The following SNX25 variants were observed in gnomAD, a reference collection of about 807,000 sequenced individuals.
SNX25 encodes the protein sorting nexin-25.
In SNX25, 62 loss-of-function variants were observed where a neutral mutation model predicts 113.7. The ratio of observed to expected loss-of-function variants is 0.55; its 90% CI spans 0.44 to 0.67. The LOEUF is 0.67. SNX25 is among the 30% of genes least tolerant of loss of function. The pLI, the probability that SNX25 is intolerant of heterozygous loss-of-function variation, is 0.00. For synonymous variants in SNX25, 421 were observed against 436.2 expected, an observed-to-expected ratio of 0.97 and a Z score of 0.43; for missense variants, 1,014 against 1,161.0, an observed-to-expected ratio of 0.87 and a Z score of 1.84.
At position 185,351,629 on chromosome 4, in the gene SNX25, A is replaced by T; in HGVS notation, c.2466+20A>T. On this transcript the variant is annotated intron_variant, in intron 14 of 18. Coordinates refer to ENST00000652585, the MANE Select transcript of SNX25 (RefSeq NM_001378034.2). ...CAGGAGGTGAGCCGTTGAAAGAGTG[A>T]ACCACTTTTGTAGTGTATTTCAGCA... 1 of 1,610,916 alleles carries T rather than the reference A, an allele frequency of 6.2e-7. No individual in the cohort carries two copies. The highest frequency in any genetic ancestry group is 8.5e-7 in the Non-Finnish European group (1 of 1,178,628).
At chr4:185,341,671 A>G (rs1269477114) in intron 11 of SNX25, among the ~76,000 whole-genome samples, 2 of 152,140 alleles carry the variant, frequency 1.3e-5, no homozygotes, top group Non-Finnish European at 2.9e-5. Flanking sequence ...TAGAACTGAG[A>G]TATCTGTTTT....
chr4:185,217,103 C>T (rs1022194424), intron 1 of SNX25, among the ~76,000 whole-genome samples: 5 of 152,016 alleles, frequency 3.3e-5, no homozygotes, highest in Non-Finnish European at 2.9e-5. Context: ...GGCTTTGAAA[C>T]GTTGAATGGA....
intron 1 of SNX25, among the ~76,000 whole-genome samples, chr4:185,222,907 A>C (rs1022355575): frequency 1.3e-5 from 2 of 152,236 alleles, no homozygotes; most frequent in African/African-American, 4.8e-5. Context: ...AAATACTTTC[A>C]AAGGTTCTTT....
At chr4:185,250,829 T>A (rs1173025003) in intron 2 of SNX25, among the ~76,000 whole-genome samples, 1 of 152,032 alleles carries the variant, frequency 6.6e-6, no homozygotes, top group African/African-American at 2.4e-5. Flanking sequence ...TTTCCAGATT[T>A]CCAAATTATT....
chr4:185,354,041 CAAAAA>C (rs138207766), intron 15 of SNX25, among the ~76,000 whole-genome samples: 2 of 84,532 alleles, frequency 2.4e-5, no homozygotes, highest in Non-Finnish European at 2.6e-5. Flanking sequence ...GACTCCGTCT[CAAAAA>C]AAAAAAAAAA....
intron 1 of SNX25, among the ~76,000 whole-genome samples, chr4:185,216,466 A>G (rs1738837329): frequency 1.3e-5 from 2 of 152,244 alleles, no homozygotes; most frequent in African/African-American, 4.8e-5. Context: ...GGGACAAAAA[A>G]CAATGCTAAT....
In SNX25 at chr4:185,277,801, C is replaced by T. The variant is rs1240509185; in HGVS notation, c.1092-10211C>T. ...AGGCTGGAGTGCAGTGGCGGGATCT[C>T]GGCTCACTGCAAGCTCCGCCTCCCG... On this transcript the variant is annotated intron_variant, in intron 5 of 18. Transcript: ENST00000652585. Among the ~76,000 whole-genome samples, 5 of 35,118 alleles carry T rather than the reference C, an allele frequency of 1.4e-4. 1 individual carries two copies. In the Admixed American group the frequency reaches 2.0e-3, roughly 14 times the overall value. 23.0% of individuals were successfully genotyped at this position (35,118 alleles called of 152,430 possible).
At chr4:185,361,899 C>T in intron 16 of SNX25, 25 bp from the exon 17 acceptor site, 1 of 1,609,782 alleles carries the variant, frequency 6.2e-7, no homozygotes, top group Middle Eastern at 1.7e-4. Context: ...AAAACCTCAT[C>T]CAAGAAATCT....
chr4:185,227,779 G>A (rs569401778), intron 1 of SNX25, among the ~76,000 whole-genome samples: 27 of 152,288 alleles, frequency 1.8e-4, no homozygotes, highest in Non-Finnish European at 2.6e-4. Context: ...GTCTGCAGGC[G>A]TGCAGTTTGC....
intron 6 of SNX25, among the ~76,000 whole-genome samples, chr4:185,302,058 T>C (rs1321088550): frequency 6.7e-6 from 1 of 150,312 alleles, no homozygotes; most frequent in African/African-American, 2.4e-5. Flanking sequence ...CGTCACCACA[T>C]GCAGCTAATT....
chr4:185,241,328 A>C (rs1743943484), intron 1 of SNX25, among the ~76,000 whole-genome samples: 1 of 151,702 alleles, frequency 6.6e-6, no homozygotes. Flanking sequence ...AAATATGAAA[A>C]CCAGTCAGGC....
chr4:185,214,574 T>TA (rs1738469314), intron 1 of SNX25, among the ~76,000 whole-genome samples: 1 of 151,760 alleles, frequency 6.6e-6, no homozygotes, highest in South Asian at 2.1e-4. Flanking sequence ...CCCTGTACCT[T>TA]AAAAAAATAA....
At chr4:185,375,851 T>G in the SNX25 span, 1 of 508,658 alleles carries the variant, frequency 2.0e-6, no homozygotes. Context: ...CAGCCATATC[T>G]GAACCCATGC....
chr4:185,357,082 G>A (rs1453582840), intron 15 of SNX25, among the ~76,000 whole-genome samples: 2 of 152,118 alleles, frequency 1.3e-5, no homozygotes, highest in Non-Finnish European at 2.9e-5. Flanking sequence ...AAGGTGACTT[G>A]TGCCCTCCTG....
Position 185,346,519 on chromosome 4 carries a change from C to T in SNX25, c.2188-18C>T, listed in dbSNP as rs1047110785. The T allele has an allele frequency of 6.8e-7, 1 of 1,465,950 alleles. No homozygotes were observed. 90.8% of individuals were successfully genotyped at this position (1,465,950 alleles called of 1,614,324 possible). A position where few individuals can be genotyped will look rare whatever the true frequency, so the allele number is the denominator to read the frequency against. On this transcript the variant is annotated intron_variant, in intron 12 of 18. Coordinates refer to ENST00000652585, the MANE Select transcript of SNX25 (RefSeq NM_001378034.2). ...ATGTAATTTCAAAATACTAACATTT[C>T]ATTTTTTCCCCCCACAGTGCGTCCC...
chr4:185,378,241 T>C, the SNX25 span: 1 of 1,603,020 alleles, frequency 6.2e-7, no homozygotes, highest in Non-Finnish European at 8.5e-7. Flanking sequence ...GTGGTAGAAA[T>C]TTCTTCCTCC....
chr4:185,375,961 C>T, the SNX25 span, among the ~76,000 whole-genome samples: 1 of 152,000 alleles, frequency 6.6e-6, no homozygotes, highest in African/African-American at 2.4e-5. Flanking sequence ...CCAGGATAGA[C>T]GAAGGTGCCA....
downstream of SNX25, among the ~76,000 whole-genome samples, chr4:185,368,800 T>G (rs919140925): frequency 8.9e-4 from 132 of 148,746 alleles, no homozygotes; most frequent in Middle Eastern, 3.4e-3. Context: ...GTTTTGTTTT[T>G]TTTTTTTTTT....
At chr4:185,255,327 T>A (rs1746263868) in intron 2 of SNX25, among the ~76,000 whole-genome samples, 1 of 152,064 alleles carries the variant, frequency 6.6e-6, no homozygotes, top group Non-Finnish European at 1.5e-5. Flanking sequence ...AAAGACAGGG[T>A]TTCACCACGT....
Sources: gnomAD v4.1 joint callset for allele counts (sites outside exome capture counted in the v4.1 genomes callset) on GRCh38, gnomAD v4.1.1 for gene constraint, MANE v1.5 for transcripts, NCBI Gene and HGNC (gene_info 2026-07-23, HGNC 2026-07-21) for gene names.